Variants in PLD4 observed in about 807,000 individuals in gnomAD.
PLD4 encodes 5'-3' exonuclease PLD4.
In PLD4, 54 loss-of-function variants were observed where a neutral mutation model predicts 52.3. That is an observed-to-expected ratio of 1.03 (90% CI 0.83 to 1.30). PLD4 has a LOEUF of 1.30. PLD4 is among the 50% of genes most tolerant of loss of function. PLD4 has a pLI of 0.00. For synonymous variants in PLD4, 264 were observed against 286.5 expected (o/e 0.92, Z 0.79); for missense variants, 731 against 671.1 (o/e 1.09, Z -0.99).
At chr14:104,929,628 A>C (rs1051928884) in intron 5 of PLD4, among the ~76,000 whole-genome samples, 1 of 152,194 alleles carries the variant, frequency 6.6e-6, no homozygotes, top group Non-Finnish European at 1.5e-5. Flanking sequence ...CCACGGATCC[A>C]AAAGTGCCAT....
intron 2 of PLD4, among the ~76,000 whole-genome samples, chr14:104,927,451 A>G: frequency 6.6e-6 from 1 of 152,168 alleles, no homozygotes; most frequent in East Asian, 1.9e-4. Context: ...ACAGCATTGC[A>G]GAGTGGGCTG....
In PLD4 at chr14:104,927,187, G is replaced by A. The variant is rs771379075; in HGVS notation, c.47G>A (p.Cys16Tyr). ...GCAGCAGTGGCCCCCACATGGCCATGCTCCATGCCGCCCCGCCGCCCGTGG... is the reference window on the plus strand; with the variant it reads ...GCAGCAGTGGCCCCCACATGGCCATACTCCATGCCGCCCCGCCGCCCGTGG... ...WKAAVAPTWP[C>Y]SMPPRRPWDR... The change falls in exon 2 of 11, where the codon TGC (cysteine) becomes TAC (tyrosine). Residue 16 changes from cysteine to tyrosine, a missense_variant. Cys to Tyr is a radical substitution (Grantham distance 194). Coordinates refer to ENST00000392593, the MANE Select transcript of PLD4 (RefSeq NM_138790.5). The A allele has an allele frequency of 3.2e-6, 5 of 1,561,942 alleles. No individual in the cohort carries two copies. In the East Asian group the frequency reaches 1.2e-4, roughly 37 times the overall value.
downstream of PLD4, chr14:104,936,752 A>G (rs1897818543): frequency 6.6e-6 from 1 of 152,324 alleles, no homozygotes. Context: ...GCAAGTTCCA[A>G]CTGCCCCCTT....
At chr14:104,930,710 T>C in intron 6 of PLD4, 32 bp from the exon 7 acceptor site, 1 of 1,611,612 alleles carries the variant, frequency 6.2e-7, no homozygotes, top group Non-Finnish European at 8.5e-7. Flanking sequence ...GAGGGGTTTT[T>C]CTCCCACAGC....
rs774214625 is a variant in PLD4 at position 104,930,042 on chromosome 14, G to A, written c.654G>A (p.Trp218Ter). 1 of 1,613,636 alleles carries A rather than the reference G, an allele frequency of 6.2e-7. No individual in the cohort carries two copies. Among genetic ancestry groups the A allele is most frequent in the Non-Finnish European group, 8.5e-7 (1 of 1,179,976 alleles). Residue 218 changes from tryptophan to a stop codon, truncating the protein, a stop_gained, in exon 6 of 11, where the codon TGG becomes TGA. Transcript: ENST00000392593. LOFTEE classifies it high-confidence loss of function. ...LTRGVLHSKFWVVDGRHIYMG... is the reference protein window; with the variant it reads ...LTRGVLHSKF Reference sequence around the variant, plus strand: ...GGGGTGTTTTGCACTCCAAATTCTGGGTTGTGGATGGACGGCACATATACA... The same window carrying A: ...GGGGTGTTTTGCACTCCAAATTCTGAGTTGTGGATGGACGGCACATATACA...
chr14:104,932,172 G>T lies in PLD4; in HGVS notation c.1219G>T (p.Asp407Tyr). 1 of 1,611,464 alleles carries T rather than the reference G, an allele frequency of 6.2e-7. No individual in the cohort carries two copies. Among genetic ancestry groups the T allele is most frequent in the Non-Finnish European group, 8.5e-7 (1 of 1,179,190 alleles). The change falls in exon 9 of 11, where the codon GAC (aspartate) becomes TAC (tyrosine). Residue 407 changes from aspartate (D) to tyrosine (Y), a missense_variant. Asp to Tyr is a radical substitution (Grantham distance 160, BLOSUM62 -3). Coordinates refer to ENST00000392593, the MANE Select transcript of PLD4 (RefSeq NM_138790.5). The surrounding 1 kb of genome is among the most constrained non-coding windows in gnomAD (Gnocchi z 6.5). ...CAACCCCGCGGCCAACGTCTCTGTG[G>T]ACGTGGTGAGGGCGTGCTCCCGGCC... is the stretch of plus-strand genomic sequence containing the variant. ...LSNPAANVSV[D>Y]VKVFIVPVGN...
intron 4 of PLD4, 111 bp from the exon 5 acceptor site, chr14:104,929,196 T>G: frequency 6.7e-7 from 1 of 1,481,836 alleles, no homozygotes; most frequent in South Asian, 1.3e-5. Flanking sequence ...GACCTGACCT[T>G]GAGCTGTGGG....
chr14:104,937,692 T>C (rs1018699694), downstream of PLD4: 62 of 207,486 alleles, frequency 3.0e-4, 2 homozygotes, highest in Admixed American at 5.3e-5. Context: ...CCACAGACAT[T>C]ATAACCCTTT....
chr14:104,928,973 A>G, intron 4 of PLD4, 41 bp downstream of exon 4: 1 of 1,559,876 alleles, frequency 6.4e-7, no homozygotes, highest in Non-Finnish European at 8.7e-7. Context: ...GGTGCTGGAA[A>G]CACAGCAAGT....
chr14:104,933,234 T>G lies in PLD4; in HGVS notation c.*270T>G. The G allele has an allele frequency of 2.6e-6, 1 of 389,774 alleles. No homozygotes were observed. Among genetic ancestry groups the G allele is most frequent in the Non-Finnish European group, 4.6e-6 (1 of 218,416 alleles). 24.1% of individuals were successfully genotyped at this position (389,774 alleles called of 1,614,324 possible). On this transcript the variant is annotated 3_prime_UTR_variant, in exon 11 of 11. Transcript: ENST00000392593. ...GCCAGGCCTAAAAAAAACTCGTGGC[T>G]TCCCGGTGCCTCTGTGTGAGTCCCG... is the stretch of plus-strand genomic sequence containing the variant.
rs1307324592 is a variant in PLD4, at chr14:104,930,922, C to T, written c.898C>T (p.Pro300Ser). 1 of 1,613,302 alleles carries T rather than the reference C, an allele frequency of 6.2e-7. No homozygotes were observed. Among genetic ancestry groups the T allele is most frequent in the Non-Finnish European group, 8.5e-7 (1 of 1,179,922 alleles). The part of the protein sequence containing the change: ...QPFHGLFDGV[P>S]TTAYFSASPP... ...CTTCCACGGCCTCTTTGATGGGGTG[C>T]CCACCACTGCCTACTTCTCAGTAAG... is the stretch of plus-strand genomic sequence containing the variant. The change falls in exon 7 of 11, where the codon CCC becomes TCC. Residue 300 changes from proline (P) to serine (S), a missense_variant. Transcript: ENST00000392593.
intron 5 of PLD4, among the ~76,000 whole-genome samples, 156 bp downstream of exon 5, chr14:104,929,583 CT>C (rs1183392283): frequency 1.3e-5 from 2 of 152,208 alleles, no homozygotes; most frequent in African/African-American, 4.8e-5. Flanking sequence ...CTCTGAGGTC[CT>C]TTGAGTCAGC....
rs774214625 is a variant in PLD4, at chr14:104,930,042, G to C, written c.654G>C (p.Trp218Cys). The C allele has an allele frequency of 3.7e-6, 6 of 1,613,636 alleles. No individual in the cohort carries two copies. The South Asian group carries it at 6.6e-5, about 18-fold the overall frequency. ...GGGGTGTTTTGCACTCCAAATTCTG[G>C]GTTGTGGATGGACGGCACATATACA... is the stretch of plus-strand genomic sequence containing the variant. The part of the protein sequence containing the change: ...LTRGVLHSKF[W>C]VVDGRHIYMG... The change falls in exon 6 of 11, where the codon TGG (tryptophan) becomes TGC (cysteine). Residue 218 changes from tryptophan to cysteine, a missense_variant. Coordinates refer to ENST00000392593, the MANE Select transcript of PLD4 (RefSeq NM_138790.5).
chr14:104,937,206 C>G (rs990103292), downstream of PLD4: 1 of 152,246 alleles, frequency 6.6e-6, no homozygotes, highest in Non-Finnish European at 1.5e-5. Context: ...GAGGAAAGCC[C>G]TGGTAAACTT....
chr14:104,931,296 C>G (rs571553085), intron 7 of PLD4, among the ~76,000 whole-genome samples: 8 of 152,276 alleles, frequency 5.3e-5, no homozygotes, highest in Non-Finnish European at 2.9e-5. Flanking sequence ...GAGGGGAACC[C>G]CACTTGCTCT....
intron 4 of PLD4, 65 bp downstream of exon 4, chr14:104,928,997 T>C: frequency 2.0e-6 from 3 of 1,524,672 alleles, no homozygotes; most frequent in South Asian, 2.5e-5. Flanking sequence ...GCTGCCTATC[T>C]ATGCAGGCGT....
intron 1 of PLD4, 72 bp from the exon 2 acceptor site, chr14:104,927,069 A>G (rs1483937031): frequency 2.2e-6 from 3 of 1,385,924 alleles, no homozygotes; most frequent in Non-Finnish European, 2.9e-6. Flanking sequence ...CCCAGTGCCC[A>G]GCTGCCCAGG....
chr14:104,929,509 G>A lies in PLD4; in HGVS notation c.589+82G>A, dbSNP rs949388511. ...GGCTGGCACCACAGGACAAGGAAAA[G>A]AAGTGAGGGTGGGAAAGGTGCCCTG... On this transcript the variant is annotated intron_variant, in intron 5 of 10. Coordinates refer to ENST00000392593, the MANE Select transcript of PLD4 (RefSeq NM_138790.5). The A allele has an allele frequency of 8.2e-6, 12 of 1,468,178 alleles. No homozygotes were observed. The South Asian group carries it at 1.7e-4, about 21-fold the overall frequency. The allele number at this position is 1,468,178 out of a possible 1,614,324, so 90.9% of individuals were successfully genotyped here.
At position 104,933,074 on chromosome 14, in the gene PLD4, C is replaced by T; in HGVS notation, c.*110C>T. ...GCAAGCAGCCCGGGTCCGCACTGCG[C>T]CAGGAGCCGCCTGCGACCGCCCGGG... On this transcript the variant is annotated 3_prime_UTR_variant, in exon 11 of 11. Transcript: ENST00000392593. 1.6e-6 allele frequency: 2 copies of T among 1,267,774 alleles called. No homozygotes were observed. The highest frequency in any genetic ancestry group is 2.1e-6 in the Non-Finnish European group (2 of 963,928). 78.5% of individuals were successfully genotyped at this position (1,267,774 alleles called of 1,614,324 possible). A position where few individuals can be genotyped will look rare whatever the true frequency, so the allele number is the denominator to read the frequency against.
Sources: gnomAD v4.1 joint callset for allele counts (sites outside exome capture counted in the v4.1 genomes callset) on GRCh38, gnomAD v4.1.1 for gene constraint, Gnocchi (gnomAD v3.1) non-coding constraint, MANE v1.5 for transcripts, NCBI Gene and HGNC (gene_info 2026-07-23, HGNC 2026-07-21) for gene names.